Variants in MRPS35 observed in about 807,000 individuals in gnomAD.
MRPS35 encodes mitochondrial ribosomal protein S35.
MRPS35 carries 29 observed loss-of-function variants against 32.7 expected under a neutral mutation model. That is an observed-to-expected ratio of 0.89 (90% confidence interval 0.66 to 1.21). The LOEUF (loss-of-function observed/expected upper bound fraction) is 1.21, where lower values mean the gene tolerates loss of function less well. MRPS35 is among the 50% of genes most tolerant of loss of function. The probability of loss-of-function intolerance (pLI) is 0.00; values close to 1 mark genes in which losing one functional copy is unlikely to be tolerated. For missense variants in MRPS35, 373 were observed against 383.8 expected (o/e 0.97, Z 0.23); for synonymous variants, 148 against 139.3 (o/e 1.06, Z -0.44).
chr12:27,721,127 T>C lies in MRPS35; in HGVS notation c.382+1259T>C, dbSNP rs559435626. ...AGGAGATGTGGAATAGTAAACATAA[T>C]TATGATTAAATTTGAGCTTTTGAAA... On this transcript the variant is annotated intron_variant, in intron 4 of 7. Transcript: ENST00000081029. Among the ~76,000 whole-genome samples the C allele has an allele frequency of 2.0e-5, 3 of 152,268 alleles. No homozygotes were observed. The East Asian group carries it at 5.8e-4, about 29-fold the overall frequency.
chr12:27,731,508 G>T (rs1033183949), intron 5 of MRPS35, among the ~76,000 whole-genome samples: 18 of 152,058 alleles, frequency 1.2e-4, no homozygotes, highest in African/African-American at 4.1e-4. Context: ...TGATTGATTT[G>T]TAGTTTTCTT....
chr12:27,721,467 G>A (rs2061874809), intron 4 of MRPS35, among the ~76,000 whole-genome samples: 1 of 152,138 alleles, frequency 6.6e-6, no homozygotes, highest in African/African-American at 2.4e-5. Flanking sequence ...AGACCAGCCT[G>A]AGCAATGTGG....
intron 5 of MRPS35, among the ~76,000 whole-genome samples, chr12:27,731,805 G>A (rs955465989): frequency 6.6e-6 from 1 of 152,166 alleles, no homozygotes; most frequent in African/African-American, 2.4e-5. Context: ...CTGACCTCAA[G>A]CGTTCCTCCC....
chr12:27,746,528 A>C (rs1050994970), intron 7 of MRPS35, among the ~76,000 whole-genome samples: 2 of 152,178 alleles, frequency 1.3e-5, no homozygotes, highest in African/African-American at 4.8e-5. Flanking sequence ...TTAGAATGAA[A>C]GGGGCAGGCA....
intron 2 of MRPS35, 49 bp downstream of exon 2, chr12:27,714,869 A>G (rs2061843520): frequency 6.7e-7 from 1 of 1,501,396 alleles, no homozygotes; most frequent in Non-Finnish European, 9.2e-7. Flanking sequence ...GGAGTTCTAA[A>G]ATGAGGCAGA....
intron 1 of MRPS35, among the ~76,000 whole-genome samples, chr12:27,711,873 A>C (rs1357304185): frequency 2.7e-5 from 4 of 147,146 alleles, no homozygotes; most frequent in Non-Finnish European, 6.0e-5. Context: ...ATAATTGTCT[A>C]TTTTTAAATT....
At chr12:27,731,606 T>A (rs1187945163) in intron 5 of MRPS35, among the ~76,000 whole-genome samples, 2 of 152,200 alleles carry the variant, frequency 1.3e-5, no homozygotes, top group African/African-American at 4.8e-5. Flanking sequence ...TCTCGCTCTG[T>A]TGCCCAGGCT....
chr12:27,744,995 G>A (rs189027945), intron 7 of MRPS35, among the ~76,000 whole-genome samples: 123 of 152,092 alleles, frequency 8.1e-4, no homozygotes, highest in Middle Eastern at 3.4e-3. Flanking sequence ...TCACTCTTTC[G>A]CCCAGACTGG....
At position 27,710,866 on chromosome 12, in the gene MRPS35, C is replaced by A. The variant is rs149994546; in HGVS notation, c.23C>A (p.Ala8Glu). 2 of 1,610,072 alleles carry A rather than the reference C, an allele frequency of 1.2e-6. No individual in the cohort carries two copies. The highest frequency in any genetic ancestry group is 2.2e-5 in the East Asian group (1 of 44,870). Residue 8 changes from alanine (A) to glutamate (E), a missense_variant, in exon 1 of 8, where the codon GCA becomes GAA. Physicochemically the swap from Ala to Glu is moderately radical, Grantham distance 107 (BLOSUM62 -1). Coordinates refer to ENST00000081029, the MANE Select transcript of MRPS35 (RefSeq NM_021821.4). ...GCCATGGCGGCCGCCGCGCTCCCAG[C>A]ATGGCTGTCTCTGCAGTCGAGGGCA... MAAAALPAWLSLQSRART... is the reference protein window; with the variant it reads MAAAALPEWLSLQSRART...
chr12:27,713,908 G>A (rs932913765), intron 1 of MRPS35, among the ~76,000 whole-genome samples: 8 of 151,764 alleles, frequency 5.3e-5, no homozygotes, highest in African/African-American at 7.3e-5. Flanking sequence ...GCAACATGGC[G>A]AAACACCGTC....
At position 27,710,896 on chromosome 12, in the gene MRPS35, C is replaced by T. The variant is rs779491009; in HGVS notation, c.53C>T (p.Thr18Ile). The change falls in exon 1 of 8, where the codon ACT (threonine) becomes ATT (isoleucine). Residue 18 changes from threonine to isoleucine, a missense_variant. Physicochemically the swap from Thr to Ile is moderately conservative, Grantham distance 89. Transcript: ENST00000081029. Reference sequence around the variant, plus strand: ...CTGTCTCTGCAGTCGAGGGCAAGGACTCTGCGTGCATTCTCCACTGCCGTC... The same window carrying T: ...CTGTCTCTGCAGTCGAGGGCAAGGATTCTGCGTGCATTCTCCACTGCCGTC... ...AWLSLQSRAR[T>I]LRAFSTAVYS... 4.3e-6 allele frequency: 7 copies of T among 1,612,784 alleles called. No homozygotes were observed. The highest frequency in any genetic ancestry group is 4.0e-5 in the African/African-American group (3 of 74,938).
In MRPS35 at chr12:27,755,527, G is replaced by A. The variant is rs551153369; in HGVS notation, c.*77G>A. 1.5e-5 allele frequency: 20 copies of A among 1,313,744 alleles called. No individual in the cohort carries two copies. Among genetic ancestry groups the A allele is most frequent in the Non-Finnish European group, 3.0e-6 (3 of 992,098 alleles). The allele number at this position is 1,313,744 out of a possible 1,614,324, so 81.4% of individuals were successfully genotyped here. A position where few individuals can be genotyped will look rare whatever the true frequency, so the allele number is the denominator to read the frequency against. On this transcript the variant is annotated 3_prime_UTR_variant, in exon 8 of 8. Transcript: ENST00000081029. ...TCAGTATCTAATTTGATATAAAATT[G>A]AAAATGTTAAAAAATCATTTTTTTT... is the stretch of plus-strand genomic sequence containing the variant.
intron 5 of MRPS35, among the ~76,000 whole-genome samples, chr12:27,729,498 C>T (rs917331135): frequency 2.6e-5 from 4 of 152,050 alleles, no homozygotes; most frequent in Admixed American, 2.6e-4. Flanking sequence ...TATGCTGTTG[C>T]ATACTTTAAT....
Position 27,740,068 on chromosome 12 carries a change from G to A in MRPS35, c.702+2460G>A, listed in dbSNP as rs539878662. On this transcript the variant is annotated intron_variant, in intron 7 of 7. Coordinates refer to ENST00000081029, the MANE Select transcript of MRPS35 (RefSeq NM_021821.4). ...AGAAGATTTTGAATACAGATGAGCCGTGAAATTTTGCGGAGCTGCTAGAAA... is the reference window on the plus strand; with the variant it reads ...AGAAGATTTTGAATACAGATGAGCCATGAAATTTTGCGGAGCTGCTAGAAA... 9.2e-5 allele frequency among the ~76,000 whole-genome samples: 14 copies of A among 152,264 alleles called. No homozygotes were observed. The South Asian group carries it at 1.0e-3, about 11-fold the overall frequency.
At chr12:27,712,108 C>T (rs907892643) in intron 1 of MRPS35, among the ~76,000 whole-genome samples, 1 of 151,826 alleles carries the variant, frequency 6.6e-6, no homozygotes, top group African/African-American at 2.4e-5. Flanking sequence ...AAAGATCTTT[C>T]TGAGGAAGTG....
chr12:27,733,681 G>T (rs1183153167), intron 5 of MRPS35, among the ~76,000 whole-genome samples: 1 of 152,040 alleles, frequency 6.6e-6, no homozygotes, highest in Non-Finnish European at 1.5e-5. Flanking sequence ...GTTTTAATCA[G>T]AGTATAAAAT....
At position 27,740,211 on chromosome 12, in the gene MRPS35, T is replaced by G. The variant is rs183715882; in HGVS notation, c.702+2603T>G. ...AGCCTCTTTTTAATCCATTGCTTGA[T>G]TTTTTTTATAGGCTAGCTTCTGAGC... On this transcript the variant is annotated intron_variant, in intron 7 of 7. Coordinates refer to ENST00000081029, the MANE Select transcript of MRPS35 (RefSeq NM_021821.4). Among the ~76,000 whole-genome samples the G allele has an allele frequency of 2.6e-5, 4 of 152,072 alleles. No individual in the cohort carries two copies. In the South Asian group the frequency reaches 6.2e-4, roughly 24 times the overall value.
rs964757579 is a variant in MRPS35, at chr12:27,730,661, G to A, written c.523-4786G>A. ...GATGAGGTTTTGCCATGTTGCCAGGGGGTTTTGCCATGTTGCCAGGGCTGG... is the reference window on the plus strand; with the variant it reads ...GATGAGGTTTTGCCATGTTGCCAGGAGGTTTTGCCATGTTGCCAGGGCTGG... On this transcript the variant is annotated intron_variant, in intron 5 of 7. Coordinates refer to ENST00000081029, the MANE Select transcript of MRPS35 (RefSeq NM_021821.4). Among the ~76,000 whole-genome samples the A allele has an allele frequency of 3.9e-5, 6 of 152,100 alleles. 1 individual carries two copies. The highest frequency in any genetic ancestry group is 1.4e-4 in the African/African-American group (6 of 41,500).
At chr12:27,727,117 C>G (rs753823276) in intron 5 of MRPS35, among the ~76,000 whole-genome samples, 2 of 151,912 alleles carry the variant, frequency 1.3e-5, no homozygotes, top group Non-Finnish European at 2.9e-5. Context: ...CCCGCCACCA[C>G]GCCTGGCTAA....
Sources: allele counts gnomAD v4.1 joint callset (sites outside exome capture counted in the v4.1 genomes callset), GRCh38; gene constraint gnomAD v4.1.1; transcripts MANE v1.5; gene names NCBI Gene and HGNC (gene_info 2026-07-23, HGNC 2026-07-21).